MARCHF1: variants seen among roughly 807,000 people sequenced by gnomAD.
MARCHF1 encodes the protein membrane associated ring-CH-type finger 1.
Under a neutral mutation model 54.2 loss-of-function variants are expected in MARCHF1, and 40 were observed. That is an observed-to-expected ratio of 0.74 (90% CI 0.57 to 0.96). MARCHF1 has a LOEUF of 0.96. Ranked by LOEUF, MARCHF1 falls within the 40% of genes least tolerant of loss-of-function variation. The probability of loss-of-function intolerance (pLI) is 0.00; values close to 1 mark genes in which losing one functional copy is unlikely to be tolerated. For synonymous variants in MARCHF1, 236 were observed against 236.3 expected, an observed-to-expected ratio of 1.00 and a Z score of 0.01; for missense variants, 586 against 656.5, an observed-to-expected ratio of 0.89 and a Z score of 1.17.
intron 2 of MARCHF1, among the ~76,000 whole-genome samples, chr4:164,027,362 TAA>T (rs59453843): frequency 0.011 from 115 of 10,784 alleles, 1 homozygote; most frequent in African/African-American, 0.018. Context: ...ATGGTACAGG[TAA>T]AAAAAAAAAA....
chr4:163,583,548 T>C (rs1740297375), intron 8 of MARCHF1: 1 of 152,018 alleles, frequency 6.6e-6, no homozygotes, highest in Non-Finnish European at 1.5e-5. Flanking sequence ...TCAAAGAAGA[T>C]ATTTTTAGAA....
chr4:164,222,411 G>A (rs1732140747), intron 1 of MARCHF1, among the ~76,000 whole-genome samples: 1 of 151,870 alleles, frequency 6.6e-6, no homozygotes, highest in South Asian at 2.1e-4. Flanking sequence ...AATATATTTT[G>A]TGTATATTAG....
chr4:163,734,465 T>C (rs552802480), intron 4 of MARCHF1, among the ~76,000 whole-genome samples: 1 of 149,858 alleles, frequency 6.7e-6, no homozygotes, highest in South Asian at 2.1e-4. Flanking sequence ...ATCTTATTTA[T>C]CAACAAAAAT....
At position 163,612,398 on chromosome 4, in the gene MARCHF1, T is replaced by C. The variant is rs761526164; in HGVS notation, c.883A>G (p.Ser295Gly). 158 of 1,535,526 alleles carry C rather than the reference T, an allele frequency of 1.0e-4. 3 individuals are homozygous for C. The Middle Eastern group carries it at 5.7e-3, about 55-fold the overall frequency. ...TCTGGAACTCCCAGTATTTCAGTGC[T>C]GGAATCTGTTTCTGAAAATGTCTTC... ...MKKTFSETDS[S>G]TEILGVPEGS... The change falls in exon 7 of 10, where the codon AGC becomes GGC. Residue 295 changes from serine (S) to glycine (G), a missense_variant. Around this residue, in one of 3 missense-constraint regions of MARCHF1, gnomAD observed 387 missense variants for 394.6 expected, o/e 0.98. Transcript: ENST00000514618.
intron 1 of MARCHF1, among the ~76,000 whole-genome samples, chr4:164,382,763 G>A (rs1398098969): frequency 1.3e-5 from 2 of 152,142 alleles, no homozygotes; most frequent in East Asian, 1.9e-4. Context: ...AGGGGGTTGG[G>A]TGTTGGCATG....
At chr4:164,350,478 T>G (rs1365692648) in intron 1 of MARCHF1, among the ~76,000 whole-genome samples, 1 of 152,142 alleles carries the variant, frequency 6.6e-6, no homozygotes, top group Non-Finnish European at 1.5e-5. Flanking sequence ...ATTGTATATT[T>G]CCAAAAAGCT....
intron 2 of MARCHF1, among the ~76,000 whole-genome samples, chr4:164,096,212 T>C (rs1755408831): frequency 6.6e-6 from 1 of 152,168 alleles, no homozygotes; most frequent in Non-Finnish European, 1.5e-5. Context: ...GTGGTACATA[T>C]ATATTATGGA....
At chr4:163,706,970 C>T (rs1744966680) in intron 4 of MARCHF1, among the ~76,000 whole-genome samples, 1 of 151,992 alleles carries the variant, frequency 6.6e-6, no homozygotes, top group African/African-American at 2.4e-5. Flanking sequence ...AAGAATCTCA[C>T]ATATAAAAAT....
chr4:164,223,142 T>A (rs1369817601), intron 1 of MARCHF1, among the ~76,000 whole-genome samples: 1 of 151,902 alleles, frequency 6.6e-6, no homozygotes, highest in Non-Finnish European at 1.5e-5. Context: ...CCTTAACACC[T>A]GGGGATTATT....
intron 3 of MARCHF1, among the ~76,000 whole-genome samples, chr4:163,966,954 G>T (rs1342204872): frequency 6.6e-6 from 1 of 152,114 alleles, no homozygotes; most frequent in Non-Finnish European, 1.5e-5. Flanking sequence ...TTACAGCTGA[G>T]TTCCCTTTTT....
chr4:164,023,518 T>TAAATA (rs1553970788), intron 2 of MARCHF1, among the ~76,000 whole-genome samples: 1 of 152,030 alleles, frequency 6.6e-6, no homozygotes, highest in East Asian at 1.9e-4. Flanking sequence ...AATCTATAAA[T>TAAATA]AAATAAAATA....
At chr4:164,108,879 T>A (rs1168347910) in intron 2 of MARCHF1, among the ~76,000 whole-genome samples, 1 of 152,050 alleles carries the variant, frequency 6.6e-6, no homozygotes, top group African/African-American at 2.4e-5. Context: ...GTGGGCAGCA[T>A]AAGATAGCTG....
At chr4:163,995,214 C>T (rs1753050936) in intron 2 of MARCHF1, among the ~76,000 whole-genome samples, 1 of 152,002 alleles carries the variant, frequency 6.6e-6, no homozygotes. Context: ...GAGAGGCTCA[C>T]AGAACTCAGG....
chr4:164,284,584 A>G (rs751260464), intron 1 of MARCHF1, among the ~76,000 whole-genome samples: 1 of 151,080 alleles, frequency 6.6e-6, no homozygotes, highest in Non-Finnish European at 1.5e-5. Flanking sequence ...TTAGTTTTAA[A>G]TAGCTCCTAC....
chr4:164,368,046 T>TAA (rs34316017), intron 1 of MARCHF1, among the ~76,000 whole-genome samples: 7 of 149,658 alleles, frequency 4.7e-5, no homozygotes, highest in African/African-American at 7.3e-5. Context: ...AAAAAAGATT[T>TAA]AAAAAAAGAC....
chr4:163,614,391 G>A (rs1741446886), intron 5 of MARCHF1, among the ~76,000 whole-genome samples: 1 of 152,108 alleles, frequency 6.6e-6, no homozygotes. Context: ...ACTGATAGGT[G>A]GTAACGCTGA....
intron 1 of MARCHF1, among the ~76,000 whole-genome samples, chr4:164,367,918 A>C (rs1730922454): frequency 6.6e-6 from 1 of 151,930 alleles, no homozygotes; most frequent in South Asian, 2.1e-4. Flanking sequence ...ATATTCAAAC[A>C]CTATATGTAT....
chr4:163,749,363 T>A (rs1458579169), intron 4 of MARCHF1, among the ~76,000 whole-genome samples: 1 of 152,078 alleles, frequency 6.6e-6, no homozygotes, highest in African/African-American at 2.4e-5. Context: ...TTGCAAACAA[T>A]CAGGTCATCT....
rs141371570 is a variant in MARCHF1 at position 163,806,485 on chromosome 4, T to G, written c.111+47536A>C. ...TGGATAAATTACTTCCCTCCCACTC[T>G]AGCCATGTGGCTCCAGTGGGGGCTG... On this transcript the variant is annotated intron_variant, in intron 4 of 9. Coordinates refer to ENST00000514618, the MANE Select transcript of MARCHF1 (RefSeq NM_001394959.1). Among the ~76,000 whole-genome samples the G allele has an allele frequency of 2.8e-3, 425 of 152,318 alleles. 1 individual carries two copies. The highest frequency in any genetic ancestry group is 9.5e-3 in the African/African-American group (393 of 41,576).
Sources: gnomAD v4.1 joint callset for allele counts (sites outside exome capture counted in the v4.1 genomes callset) on GRCh38, gnomAD v4.1.1 for gene constraint, gnomAD v4.1.1 regional missense constraint, MANE v1.5 for transcripts, NCBI Gene and HGNC (gene_info 2026-07-23, HGNC 2026-07-21) for gene names.